POGLUT1: variants seen among roughly 807,000 people sequenced by gnomAD.
POGLUT1 encodes the protein protein O-glucosyltransferase 1, also known as 9630046K23Rik.
Under a neutral mutation model 61.3 loss-of-function variants are expected in POGLUT1, and 32 were observed. The observed-to-expected ratio is 0.52, with a 90% CI of 0.39 to 0.70. The LOEUF is 0.70. Among genes scored for constraint, POGLUT1 ranks in the 30% least tolerant of loss-of-function variants. POGLUT1 has a pLI of 0.00. For synonymous variants in POGLUT1, 158 were observed against 158.2 expected (o/e 1.00, Z 0.01); for missense variants, 411 against 469.8 (o/e 0.87, Z 1.16).
chr3:119,478,494 GTGTTTGTTATCTATC>G, intron 4 of POGLUT1: 1 of 446,530 alleles, frequency 2.2e-6, no homozygotes, highest in South Asian at 1.6e-5. Flanking sequence ...TAGGGACTTC[GTGTTTGTTATCTATC>G]TGTTGTTTCT....
rs146483877 is a variant in POGLUT1, at chr3:119,486,001, G to A, written c.638+614G>A. ...GCAGATGAATAGAAAAGACCATGAA[G>A]GGAGCAGGGTTTTGTAGTTTTAGCA... On this transcript the variant is annotated intron_variant, in intron 6 of 10. Coordinates refer to ENST00000295588, the MANE Select transcript of POGLUT1 (RefSeq NM_152305.3). Among the ~76,000 whole-genome samples the A allele has an allele frequency of 2.0e-4, 31 of 152,326 alleles. No homozygotes were observed. In the East Asian group the frequency reaches 5.8e-3, roughly 28 times the overall value.
At position 119,471,284 on chromosome 3, in the gene POGLUT1, C is replaced by T. The variant is rs1476545171; in HGVS notation, c.177-25C>T. Reference sequence around the variant, plus strand: ...GGCACCACTCTCTTGGCCTGCTTTCCTTGATGACTCCCATTCTTTCCCAGT... The same window carrying T: ...GGCACCACTCTCTTGGCCTGCTTTCTTTGATGACTCCCATTCTTTCCCAGT... On this transcript the variant is annotated intron_variant, in intron 2 of 10. Transcript: ENST00000295588. The T allele has an allele frequency of 3.1e-6, 5 of 1,612,106 alleles. No individual in the cohort carries two copies. The Admixed American group carries it at 6.7e-5, about 22-fold the overall frequency.
At chr3:119,492,206 G>T in intron 10 of POGLUT1, 76 bp from the exon 11 acceptor site, 1 of 1,045,560 alleles carries the variant, frequency 9.6e-7, no homozygotes, top group African/African-American at 1.6e-5. Flanking sequence ...TTGGCACAAG[G>T]TGAGCACTCA....
intron 5 of POGLUT1, among the ~76,000 whole-genome samples, chr3:119,481,248 T>C (rs1194362323): frequency 6.6e-6 from 1 of 152,158 alleles, no homozygotes; most frequent in Non-Finnish European, 1.5e-5. Context: ...TTATTCCAGA[T>C]CCTCTCTGAT....
intron 4 of POGLUT1, chr3:119,478,529 A>G: frequency 4.8e-6 from 2 of 416,252 alleles, no homozygotes; most frequent in East Asian, 7.2e-5. Flanking sequence ...TATGGATAAT[A>G]AAGTATGACC....
At chr3:119,486,968 G>T (rs1200340268) in intron 7 of POGLUT1, 36 bp downstream of exon 7, 1 of 1,320,212 alleles carries the variant, frequency 7.6e-7, no homozygotes, top group Non-Finnish European at 1.1e-6. Context: ...CTACAGCAGT[G>T]AACATTCTCA....
intron 7 of POGLUT1, 192 bp from the exon 8 acceptor site, chr3:119,488,737 C>T: frequency 2.5e-6 from 1 of 399,654 alleles, no homozygotes. Context: ...GCCACACTGA[C>T]CTTGAGCAAA....
chr3:119,481,362 A>G (rs1439286396), intron 5 of POGLUT1, among the ~76,000 whole-genome samples: 2 of 152,166 alleles, frequency 1.3e-5, no homozygotes, highest in Non-Finnish European at 2.9e-5. Flanking sequence ...ACCTAGCTAC[A>G]TTTTACATCA....
In POGLUT1 at chr3:119,469,033, G is replaced by A. The variant is rs1361094422; in HGVS notation, c.12G>A (p.Trp4Ter). The A allele has an allele frequency of 3.7e-6, 6 of 1,608,750 alleles. No individual in the cohort carries two copies. The South Asian group carries it at 6.6e-5, about 18-fold the overall frequency. MEW[W>*]ASSPLRLWLL... Reference sequence around the variant, plus strand: ...TAGGTCTGCCGGCGATGGAGTGGTGGGCTAGCTCGCCGCTTCGGCTCTGGC... The same window carrying A: ...TAGGTCTGCCGGCGATGGAGTGGTGAGCTAGCTCGCCGCTTCGGCTCTGGC... Residue 4 changes from tryptophan (W) to a stop codon, truncating the protein, a stop_gained, in exon 1 of 11, where the codon TGG becomes TGA. Transcript: ENST00000295588. LOFTEE classifies it high-confidence loss of function.
Position 119,471,424 on chromosome 3 carries a change from C to G in POGLUT1, c.292C>G (p.Arg98Gly), listed in dbSNP as rs762277732. Residue 98 changes from arginine to glycine, a missense_variant, in exon 3 of 11, where the codon CGG becomes GGG. By Grantham distance (125) the Arg-to-Gly change is moderately radical. Transcript: ENST00000295588. ...HYQITKNRLY[R>G]ENDCMFPSRC... ...TCAGATCACTAAGAACAGACTGTAC[C>G]GGGAAAATGACTGCATGTTCCCCTC... 5.0e-6 allele frequency: 8 copies of G among 1,613,774 alleles called. No individual in the cohort carries two copies. The African/African-American group carries it at 9.3e-5, about 19-fold the overall frequency.
intron 7 of POGLUT1, 133 bp downstream of exon 7, chr3:119,487,065 G>T: frequency 1.5e-6 from 1 of 676,332 alleles, no homozygotes. Context: ...CCATGAACCA[G>T]CATTAGCATA....
At chr3:119,480,609 A>C (rs1560034926) in intron 5 of POGLUT1, among the ~76,000 whole-genome samples, 1 of 152,156 alleles carries the variant, frequency 6.6e-6, no homozygotes, top group Non-Finnish European at 1.5e-5. Context: ...TGTAGTGTAA[A>C]CAATTTTGTA....
At chr3:119,491,400 A>G (rs2081743550) in intron 9 of POGLUT1, 118 bp from the exon 10 acceptor site, 1 of 473,260 alleles carries the variant, frequency 2.1e-6, no homozygotes, top group Non-Finnish European at 3.8e-6. Flanking sequence ...GCTTGAAGGA[A>G]ATAATCCACC....
Position 119,471,393 on chromosome 3 carries a change from C to T in POGLUT1, c.261C>T (p.Thr87=). 2 of 1,613,972 alleles carry T rather than the reference C, an allele frequency of 1.2e-6. No homozygotes were observed. Among genetic ancestry groups the T allele is most frequent in the Non-Finnish European group, 1.7e-6 (2 of 1,179,892 alleles). The change falls in exon 3 of 11, where the codon ACC becomes ACT. Residue 87 remains threonine, a synonymous_variant. Transcript: ENST00000295588. ...MAEVVRRKLG[T]HYQITKNRLY... ...AGGTAGTCAGACGGAAGCTAGGGAC[C>T]CACTATCAGATCACTAAGAACAGAC... is the stretch of plus-strand genomic sequence containing the variant.
rs892636160 is a variant in POGLUT1 at position 119,469,907 on chromosome 3, A to G, written c.173A>G (p.His58Arg). The G allele has an allele frequency of 3.2e-6, 5 of 1,562,036 alleles. No homozygotes were observed. Among genetic ancestry groups the G allele is most frequent in the African/African-American group, 1.4e-5 (1 of 73,904 alleles). The change falls in exon 2 of 11, where the codon CAT (histidine) becomes CGT (arginine). Residue 58 changes from histidine to arginine, a missense_variant. Physicochemically the swap from His to Arg is conservative, Grantham distance 29. Coordinates refer to ENST00000295588, the MANE Select transcript of POGLUT1 (RefSeq NM_152305.3). ...TCAAGTCAAAACTGCAGCTGCTACC[A>G]TGGGTGAGTTCTTTTCTTTGATGTG... ...PCSSQNCSCY[H>R]GVIEEDLTPF...
intron 7 of POGLUT1, 100 bp downstream of exon 7, chr3:119,487,032 G>T: frequency 1.3e-6 from 1 of 799,876 alleles, no homozygotes; most frequent in Non-Finnish European, 2.2e-6. Context: ...CCTGTCAGTG[G>T]TGAGGTGAAT....
At chr3:119,479,085 G>A (rs1289102686) in intron 4 of POGLUT1, among the ~76,000 whole-genome samples, 2 of 151,884 alleles carry the variant, frequency 1.3e-5, no homozygotes, top group Non-Finnish European at 2.9e-5. Flanking sequence ...CACCATGCCC[G>A]GCTATTATTT....
At chr3:119,473,342 TGAAA>T in intron 3 of POGLUT1, among the ~76,000 whole-genome samples, 1 of 26,302 alleles carries the variant, frequency 3.8e-5, no homozygotes, top group South Asian at 1.7e-3. Context: ...AATTGCCAAA[TGAAA>T]TGAAATGCTT....
At position 119,492,325 on chromosome 3, in the gene POGLUT1, A is replaced by T; in HGVS notation, c.1066A>T (p.Thr356Ser). The T allele has an allele frequency of 6.2e-7, 1 of 1,610,792 alleles. No individual in the cohort carries two copies. ...IRNHLQMDDI[T>S]CYWENLLSEY... ...GAACCATTTGCAGATGGATGACATC[A>T]CCTGTTACTGGGAGAACCTCTTGAG... The change falls in exon 11 of 11, where the codon ACC becomes TCC. Residue 356 changes from threonine to serine, a missense_variant. Physicochemically the swap from Thr to Ser is moderately conservative, Grantham distance 58. Coordinates refer to ENST00000295588, the MANE Select transcript of POGLUT1 (RefSeq NM_152305.3).
Sources: gnomAD v4.1 joint callset for allele counts (sites outside exome capture counted in the v4.1 genomes callset) on GRCh38, gnomAD v4.1.1 for gene constraint, MANE v1.5 for transcripts, NCBI Gene and HGNC (gene_info 2026-07-23, HGNC 2026-07-21) for gene names.